The following SGCZ variants were observed in gnomAD, a reference collection of about 807,000 sequenced individuals.
The protein encoded by SGCZ is zeta-sarcoglycan.
In SGCZ, 40 loss-of-function variants were observed where a neutral mutation model predicts 41.3. The observed-to-expected ratio is 0.97, with a 90% CI of 0.75 to 1.26. SGCZ has a LOEUF of 1.26. SGCZ is among the 50% of genes most tolerant of loss of function. The pLI is 0.00. For synonymous variants in SGCZ, 206 were observed against 137.5 expected (o/e 1.50, Z -3.49); for missense variants, 552 against 369.8 (o/e 1.49, Z -4.04).
chr8:15,025,620 A>G (rs898367875), intron 1 of SGCZ, among the ~76,000 whole-genome samples: 5 of 152,182 alleles, frequency 3.3e-5, no homozygotes, highest in African/African-American at 1.2e-4. Flanking sequence ...AACACCTGAA[A>G]TTCTAGAACT....
intron 1 of SGCZ, among the ~76,000 whole-genome samples, chr8:14,961,234 G>C (rs774893662): frequency 3.3e-5 from 5 of 152,028 alleles, no homozygotes; most frequent in Non-Finnish European, 7.4e-5. Flanking sequence ...TTATTAGTTG[G>C]TAAATCTCTC....
At chr8:15,012,663 T>C (rs1426757716) in intron 1 of SGCZ, among the ~76,000 whole-genome samples, 4 of 110,448 alleles carry the variant, frequency 3.6e-5, no homozygotes, top group African/African-American at 1.6e-4. Flanking sequence ...ATATATAATA[T>C]ATATTTATTA....
chr8:14,167,842 CAAAG>C (rs1804254855), intron 4 of SGCZ, among the ~76,000 whole-genome samples: 1 of 152,038 alleles, frequency 6.6e-6, no homozygotes. Flanking sequence ...CTTTGGCTGA[CAAAG>C]AGAGATAATT....
At chr8:14,745,162 C>T (rs767056718) in intron 1 of SGCZ, among the ~76,000 whole-genome samples, 5 of 152,220 alleles carry the variant, frequency 3.3e-5, no homozygotes, top group East Asian at 1.9e-4. Context: ...ATTTCTCTTT[C>T]GCTGTGCAAC....
intron 2 of SGCZ, among the ~76,000 whole-genome samples, chr8:14,471,945 C>G (rs552705899): frequency 6.6e-6 from 1 of 151,936 alleles, no homozygotes; most frequent in African/African-American, 2.4e-5. Context: ...GAGACATACC[C>G]ACAGTTATAT....
At chr8:14,279,804 T>G (rs758999227) in intron 3 of SGCZ, among the ~76,000 whole-genome samples, 16 of 151,850 alleles carry the variant, frequency 1.1e-4, no homozygotes, top group Non-Finnish European at 1.8e-4. Context: ...AAAATACTCT[T>G]ATTTATAATC....
At chr8:14,720,859 T>G (rs146159310) in intron 1 of SGCZ, among the ~76,000 whole-genome samples, 1 of 152,212 alleles carries the variant, frequency 6.6e-6, no homozygotes, top group East Asian at 1.9e-4. Context: ...TTTCTTCTAC[T>G]GTTTTGTAAA....
intron 4 of SGCZ, among the ~76,000 whole-genome samples, chr8:14,188,231 A>C (rs943607153): frequency 2.6e-5 from 4 of 152,252 alleles, no homozygotes; most frequent in Admixed American, 2.0e-4. Flanking sequence ...AAAGTAATTC[A>C]AACTTACACA....
intron 1 of SGCZ, among the ~76,000 whole-genome samples, chr8:15,110,912 GA>G (rs1807024272): frequency 6.6e-6 from 1 of 152,084 alleles, no homozygotes; most frequent in South Asian, 2.1e-4. Context: ...AGGTTGCAGT[GA>G]GCTGAGGTCG....
rs376290549 is a variant in SGCZ, at chr8:14,400,627, C to T, written c.235-76423G>A. 2.6e-3 allele frequency among the ~76,000 whole-genome samples: 403 copies of T among 152,166 alleles called. 2 individuals are homozygous for T. The highest frequency in any genetic ancestry group is 9.0e-3 in the African/African-American group (374 of 41,522). ...TATAAAAATATATTATGTGACCAGACCACATACTGAATACATGAACTTTGC... is the reference window on the plus strand; with the variant it reads ...TATAAAAATATATTATGTGACCAGATCACATACTGAATACATGAACTTTGC... On this transcript the variant is annotated intron_variant, in intron 2 of 7. Coordinates refer to ENST00000382080, the MANE Select transcript of SGCZ (RefSeq NM_139167.4).
intron 1 of SGCZ, among the ~76,000 whole-genome samples, chr8:14,724,190 T>C (rs1809979172): frequency 6.6e-6 from 1 of 152,122 alleles, no homozygotes. Flanking sequence ...TATTTGACCC[T>C]GAATGTTGTG....
intron 1 of SGCZ, among the ~76,000 whole-genome samples, chr8:15,010,988 C>T (rs1802807505): frequency 6.6e-6 from 1 of 152,182 alleles, no homozygotes; most frequent in East Asian, 1.9e-4. Context: ...ATCTATTGTG[C>T]AGGTATGTTA....
At chr8:14,621,010 T>C (rs772044529) in intron 1 of SGCZ, among the ~76,000 whole-genome samples, 9 of 152,160 alleles carry the variant, frequency 5.9e-5, no homozygotes, top group East Asian at 1.9e-4. Context: ...TGCAGCGCTA[T>C]TGACAATAGC....
intron 1 of SGCZ, among the ~76,000 whole-genome samples, chr8:14,597,800 T>C (rs192776612): frequency 1.3e-5 from 2 of 152,028 alleles, no homozygotes. Context: ...TTTCTCTTTC[T>C]CTCCCACAAG....
rs139188175 is a variant in SGCZ, at chr8:14,936,468, C to A, written c.39+301117G>T. Among the ~76,000 whole-genome samples the A allele has an allele frequency of 4.6e-3, 706 of 151,854 alleles. 6 individuals carry two copies. The highest frequency in any genetic ancestry group is 0.016 in the African/African-American group (668 of 41,470). ...TGAAAACTGTACTTAAAGTTAAAAA[C>A]AGAATGGGTGTATACATACTCAGAG... On this transcript the variant is annotated intron_variant, in intron 1 of 7. Transcript: ENST00000382080.
chr8:14,576,302 C>G (rs1804710371), intron 1 of SGCZ, among the ~76,000 whole-genome samples: 1 of 152,042 alleles, frequency 6.6e-6, no homozygotes, highest in Non-Finnish European at 1.5e-5. Flanking sequence ...TGTCATTTAT[C>G]ATTGCTTCAC....
At chr8:14,596,342 T>A (rs870615) in intron 1 of SGCZ, among the ~76,000 whole-genome samples, 2 of 152,040 alleles carry the variant, frequency 1.3e-5, no homozygotes, top group Non-Finnish European at 2.9e-5. Flanking sequence ...AGAGCAAATA[T>A]GAAGGAAGAC....
At chr8:15,112,351 C>T (rs1282153919) in intron 1 of SGCZ, among the ~76,000 whole-genome samples, 1 of 152,178 alleles carries the variant, frequency 6.6e-6, no homozygotes, top group Non-Finnish European at 1.5e-5. Flanking sequence ...GAGTTTTGGA[C>T]CTTCTGCTAG....
intron 1 of SGCZ, among the ~76,000 whole-genome samples, chr8:14,987,293 A>G (rs745656452): frequency 1.3e-5 from 2 of 151,984 alleles, no homozygotes; most frequent in African/African-American, 2.4e-5. Flanking sequence ...AAAATTTCCA[A>G]CAAAACTTAT....
Sources: allele counts gnomAD v4.1 joint callset (sites outside exome capture counted in the v4.1 genomes callset), GRCh38; gene constraint gnomAD v4.1.1; transcripts MANE v1.5; gene names NCBI Gene and HGNC (gene_info 2026-07-23, HGNC 2026-07-21).